The following CADM4 variants were observed in gnomAD, a reference collection of about 807,000 sequenced individuals.
The protein encoded by CADM4 is cell adhesion molecule 4.
A neutral mutation model predicts 43.9 loss-of-function variants in CADM4; 13 were observed. The ratio of observed to expected loss-of-function variants is 0.30; its 90% CI spans 0.19 to 0.47. The LOEUF is 0.47. Among genes scored for constraint, CADM4 ranks in the 20% least tolerant of loss-of-function variants. The pLI is 1.00. For synonymous variants in CADM4, 209 were observed against 220.9 expected, an observed-to-expected ratio of 0.95 and a Z score of 0.48; for missense variants, 420 against 527.0, an observed-to-expected ratio of 0.80 and a Z score of 1.99.
intron 1 of CADM4, among the ~76,000 whole-genome samples, chr19:43,633,614 G>T (rs1220205376): frequency 6.6e-6 from 1 of 151,830 alleles, no homozygotes; most frequent in Non-Finnish European, 1.5e-5. Context: ...GTGTCAGATG[G>T]GATATCTGTT....
Sources: allele counts gnomAD v4.1 joint callset (sites outside exome capture counted in the v4.1 genomes callset), GRCh38; gene constraint gnomAD v4.1.1; transcripts MANE v1.5; gene names NCBI Gene and HGNC (gene_info 2026-07-23, HGNC 2026-07-21).